GPR155: variants seen among roughly 807,000 people sequenced by gnomAD.
GPR155 encodes lysosomal cholesterol signaling protein.
GPR155 carries 65 observed loss-of-function variants against 93.1 expected under a neutral mutation model. The ratio of observed to expected loss-of-function variants is 0.70; its 90% CI spans 0.57 to 0.86. The LOEUF (loss-of-function observed/expected upper bound fraction) is 0.86. GPR155 is among the 40% of genes least tolerant of loss of function. The probability of loss-of-function intolerance (pLI) is 0.00; values close to 1 mark genes in which losing one functional copy is unlikely to be tolerated. For synonymous variants in GPR155, 319 were observed against 360.1 expected (o/e 0.89, Z 1.29); for missense variants, 838 against 1,034.8 (o/e 0.81, Z 2.61).
chr2:174,459,666 G>A (rs973146273), intron 10 of GPR155, among the ~76,000 whole-genome samples: 4 of 152,108 alleles, frequency 2.6e-5, no homozygotes, highest in South Asian at 2.1e-4. Context: ...GCAACATGGC[G>A]AAACCCCATC....
In GPR155 at chr2:174,433,320, C is replaced by G. The variant is rs534008187; in HGVS notation, c.*2796G>C. ...ATGCTATGGTCTAAATGTCTGTGTC[C>G]TCCTAGAATTCTTATGTTGAAACCT... On this transcript the variant is annotated 3_prime_UTR_variant, in exon 16 of 16. Transcript: ENST00000392552. 3 of 152,016 alleles carry G rather than the reference C, an allele frequency of 2.0e-5. No individual in the cohort carries two copies. Among genetic ancestry groups the G allele is most frequent in the Non-Finnish European group, 2.9e-5 (2 of 68,016 alleles). The allele number at this position is 152,016 out of a possible 1,614,324, so 9.4% of individuals were successfully genotyped here. A position where few individuals can be genotyped will look rare whatever the true frequency, so the allele number is the denominator to read the frequency against.
intron 13 of GPR155, among the ~76,000 whole-genome samples, chr2:174,443,078 T>C (rs1687014953): frequency 6.6e-5 from 10 of 152,194 alleles, no homozygotes; most frequent in Admixed American, 6.5e-4. Context: ...GAATGCAAAA[T>C]GCTAAGTCAG....
intron 3 of GPR155, among the ~76,000 whole-genome samples, chr2:174,471,357 T>C (rs1687991634): frequency 1.4e-5 from 2 of 146,358 alleles, no homozygotes; most frequent in Non-Finnish European, 3.0e-5. Flanking sequence ...TGCCAGCCAT[T>C]GTACTCCAGC....
chr2:174,456,137 T>C (rs1397990171), intron 10 of GPR155, among the ~76,000 whole-genome samples: 2 of 152,038 alleles, frequency 1.3e-5, no homozygotes. Context: ...CCACCACGCC[T>C]GGCTGAGATA....
chr2:174,478,599 T>C (rs1468559288), intron 2 of GPR155, among the ~76,000 whole-genome samples: 1 of 152,242 alleles, frequency 6.6e-6, no homozygotes, highest in Non-Finnish European at 1.5e-5. Flanking sequence ...TAGACTGTTA[T>C]AGTTGTCATA....
rs769581223 is a variant in GPR155, at chr2:174,434,415, A to C, written c.*1701T>G. The stretch of plus-strand genomic sequence containing the variant: ...TCATATGGCAATAATTTTGTTGATA[A>C]AATTCAAATTAATCTACTCAAATTA... On this transcript the variant is annotated 3_prime_UTR_variant, in exon 16 of 16. Transcript: ENST00000392552. 6.6e-6 allele frequency: 1 copy of C among 152,062 alleles called. No individual in the cohort carries two copies. Among genetic ancestry groups the C allele is most frequent in the Non-Finnish European group, 1.5e-5 (1 of 68,016 alleles). 9.4% of individuals were successfully genotyped at this position (152,062 alleles called of 1,614,324 possible).
intron 11 of GPR155, among the ~76,000 whole-genome samples, chr2:174,447,084 C>T (rs1201631335): frequency 2.0e-5 from 3 of 151,758 alleles, no homozygotes; most frequent in African/African-American, 7.3e-5. Context: ...TGCCTGTAAT[C>T]CCAGCACTTT....
chr2:174,459,913 TCA>T lies in GPR155; in HGVS notation c.1734_1735del (p.Asn578LysfsTer23), dbSNP rs1559108719. ...AATAGAGCTTGTAAAAAGTTCTGGT[TCA>T]TTTACTGGTGCTGGACTCTCCTCAA... On this transcript the variant is annotated frameshift_variant, in exon 10 of 16. Transcript: ENST00000392552. LOFTEE classifies it high-confidence loss of function. 1.9e-6 allele frequency: 3 copies of T among 1,613,860 alleles called. No individual in the cohort carries two copies. The Admixed American group carries it at 5.0e-5, about 27-fold the overall frequency.
chr2:174,458,144 G>A (rs1687575551), intron 10 of GPR155, among the ~76,000 whole-genome samples: 1 of 152,148 alleles, frequency 6.6e-6, no homozygotes, highest in South Asian at 2.1e-4. Context: ...ATAAATTCAA[G>A]ATGAAATCAT....
chr2:174,457,237 A>C (rs1687545294), intron 10 of GPR155, among the ~76,000 whole-genome samples: 1 of 152,222 alleles, frequency 6.6e-6, no homozygotes, highest in South Asian at 2.1e-4. Flanking sequence ...ACTTGAACCC[A>C]GGAGGTGGAA....
In GPR155 at chr2:174,439,953, G is replaced by A; in HGVS notation, c.2257C>T (p.Gln753Ter). 6.2e-7 allele frequency: 1 copy of A among 1,612,482 alleles called. No homozygotes were observed. Among genetic ancestry groups the A allele is most frequent in the Non-Finnish European group, 8.5e-7 (1 of 1,178,770 alleles). Residue 753 changes from glutamine to a stop codon, truncating the protein, a stop_gained, in exon 15 of 16, where the codon CAA becomes TAA. Transcript: ENST00000392552. LOFTEE classifies it high-confidence loss of function. ...VSEEIKMTCQ[Q>*]FIHYHRDLCI... ...AGGTCACGGTGATAATGGATAAATT[G>A]TTGACAGGTCATTTTTATTTCCTCT...
chr2:174,446,047 C>T (rs1687111786), intron 12 of GPR155, among the ~76,000 whole-genome samples: 1 of 151,914 alleles, frequency 6.6e-6, no homozygotes, highest in Non-Finnish European at 1.5e-5. Context: ...TGGCTCACGC[C>T]TGTAATTCCA....
At chr2:174,442,215 A>G (rs752508008) in intron 13 of GPR155, 32 bp from the exon 14 acceptor site, 1 of 1,102,346 alleles carries the variant, frequency 9.1e-7, no homozygotes, top group Non-Finnish European at 1.4e-6. Flanking sequence ...TTTTTTTCAG[A>G]ATTCAACAAT....
intron 4 of GPR155, 39 bp downstream of exon 4, chr2:174,470,351 T>A: frequency 6.6e-7 from 1 of 1,514,642 alleles, no homozygotes; most frequent in Non-Finnish European, 8.9e-7. Flanking sequence ...TTTTTTCGAC[T>A]AAACACACCA....
In GPR155 at chr2:174,465,818, A is replaced by G. The variant is rs1214301892; in HGVS notation, c.1351T>C (p.Tyr451His). ...VGQILVFVLL[Y>H]SSLYSTYLWT... ...AGGTAGGTGCTATAGAGGGAGCTGT[A>G]CAATAGAACAAACACCAAAATTTGT... Residue 451 changes from tyrosine (Y) to histidine (H), a missense_variant, in exon 7 of 16, where the codon TAC becomes CAC. This residue lies in a region of GPR155 where 663 missense variants were observed against 790.1 expected (regional missense o/e 0.84). Transcript: ENST00000392552. 2.5e-6 allele frequency: 4 copies of G among 1,601,172 alleles called. No individual in the cohort carries two copies. In the South Asian group the frequency reaches 4.4e-5, roughly 18 times the overall value.
chr2:174,452,202 GA>G (rs914311562), intron 11 of GPR155, among the ~76,000 whole-genome samples: 1 of 151,486 alleles, frequency 6.6e-6, no homozygotes, highest in African/African-American at 2.4e-5. Context: ...TCTTGTAAAA[GA>G]AAAAAAAGTC....
chr2:174,460,721 C>G (rs10183260), intron 9 of GPR155, among the ~76,000 whole-genome samples: 1 of 152,166 alleles, frequency 6.6e-6, no homozygotes, highest in South Asian at 2.1e-4. Flanking sequence ...CTGCTCACTT[C>G]CACGTATAAT....
chr2:174,436,441 A>G (rs764696005), intron 15 of GPR155, 25 bp from the exon 16 acceptor site: 3 of 1,609,422 alleles, frequency 1.9e-6, no homozygotes, highest in East Asian at 2.2e-5. Context: ...TGATTCACCC[A>G]TATTTTCTGT....
At chr2:174,438,280 G>C (rs989688630) in intron 15 of GPR155, among the ~76,000 whole-genome samples, 1 of 152,018 alleles carries the variant, frequency 6.6e-6, no homozygotes, top group Non-Finnish European at 1.5e-5. Context: ...GTACAAAGTG[G>C]CAGAGAATGT....
Sources: gnomAD v4.1 joint callset for allele counts (sites outside exome capture counted in the v4.1 genomes callset) on GRCh38, gnomAD v4.1.1 for gene constraint, gnomAD v4.1.1 regional missense constraint, MANE v1.5 for transcripts, NCBI Gene and HGNC (gene_info 2026-07-23, HGNC 2026-07-21) for gene names.